The following IMMP2L variants were observed in gnomAD, a reference collection of about 807,000 sequenced individuals.
IMMP2L encodes the protein mitochondrial inner membrane protease subunit 2.
Under a neutral mutation model 19.3 loss-of-function variants are expected in IMMP2L, and 18 were observed. That is an observed-to-expected ratio of 0.93 (90% CI 0.64 to 1.38). IMMP2L has a LOEUF of 1.38. IMMP2L is among the 40% of genes most tolerant of loss of function. The pLI, the probability that IMMP2L is intolerant of heterozygous loss-of-function variation, is 0.00. For synonymous variants in IMMP2L, 76 were observed against 73.0 expected (o/e 1.04, Z -0.21); for missense variants, 233 against 218.2 (o/e 1.07, Z -0.43).
intron 3 of IMMP2L, among the ~76,000 whole-genome samples, chr7:111,275,445 C>T (rs953201763): frequency 6.6e-6 from 1 of 152,256 alleles, no homozygotes; most frequent in East Asian, 1.9e-4. Flanking sequence ...CTACTTCCTA[C>T]AAGTAATTCA....
chr7:110,741,538 T>C lies in IMMP2L; in HGVS notation c.409-77817A>G, dbSNP rs1796989897. The stretch of plus-strand genomic sequence containing the variant: ...GACACACAGCAAGAAGGCACCATCT[T>C]TGGAGCAGAAAGCAAGCCCTCATCA... On this transcript the variant is annotated intron_variant, in intron 5 of 5. Coordinates refer to ENST00000405709, the MANE Select transcript of IMMP2L (RefSeq NM_032549.4). 2.0e-5 allele frequency among the ~76,000 whole-genome samples: 3 copies of C among 152,160 alleles called. No homozygotes were observed. In the South Asian group the frequency reaches 6.2e-4, roughly 32 times the overall value.
At chr7:110,911,711 G>T (rs1435438882) in intron 4 of IMMP2L, among the ~76,000 whole-genome samples, 1 of 152,030 alleles carries the variant, frequency 6.6e-6, no homozygotes, top group Non-Finnish European at 1.5e-5. Flanking sequence ...CCTATTCTCT[G>T]CTTCTGGCAA....
chr7:110,850,801 G>C (rs1020181309), intron 5 of IMMP2L, among the ~76,000 whole-genome samples: 3 of 151,658 alleles, frequency 2.0e-5, no homozygotes, highest in African/African-American at 7.3e-5. Flanking sequence ...GCTGACAAAA[G>C]TAATATAAAA....
At chr7:110,935,582 T>G (rs988495459) in intron 4 of IMMP2L, among the ~76,000 whole-genome samples, 1 of 152,174 alleles carries the variant, frequency 6.6e-6, no homozygotes, top group Non-Finnish European at 1.5e-5. Flanking sequence ...GATAATATCC[T>G]GAAGAGTGTT....
Position 111,330,986 on chromosome 7 carries a change from ATATTAG to A in IMMP2L, c.239+156246_239+156251del, listed in dbSNP as rs536496615. ...CCTTGTATACTGTTGGTGCGAATAT[ATATTAG>A]TATATCGATTATGAAAAACTGTATG... On this transcript the variant is annotated intron_variant, in intron 3 of 5. Transcript: ENST00000405709. Among the ~76,000 whole-genome samples, 8 of 152,036 alleles carry A rather than the reference ATATTAG, an allele frequency of 5.3e-5. No homozygotes were observed. The East Asian group carries it at 1.5e-3, about 29-fold the overall frequency.
At chr7:110,952,746 A>G (rs1042331615) in intron 4 of IMMP2L, among the ~76,000 whole-genome samples, 10 of 152,106 alleles carry the variant, frequency 6.6e-5, no homozygotes, top group Non-Finnish European at 1.5e-4. Context: ...TGTGTTTCCC[A>G]TCTTAGGTAC....
At chr7:110,706,348 T>A (rs1482934137) in intron 5 of IMMP2L, among the ~76,000 whole-genome samples, 1 of 152,114 alleles carries the variant, frequency 6.6e-6, no homozygotes, top group Admixed American at 6.5e-5. Flanking sequence ...CAGCAATCCT[T>A]CCACCTTGGT....
intron 5 of IMMP2L, among the ~76,000 whole-genome samples, chr7:110,818,251 T>A (rs1802713138): frequency 6.6e-6 from 1 of 151,812 alleles, no homozygotes; most frequent in Non-Finnish European, 1.5e-5. Flanking sequence ...TACAATGAAC[T>A]CAAACAAATT....
intron 5 of IMMP2L, among the ~76,000 whole-genome samples, chr7:110,697,114 C>A (rs1212651411): frequency 6.6e-6 from 1 of 152,136 alleles, no homozygotes; most frequent in Admixed American, 6.5e-5. Context: ...GCCAAATTAA[C>A]CTCAATTCCT....
intron 5 of IMMP2L, among the ~76,000 whole-genome samples, chr7:110,865,972 A>G (rs555932939): frequency 3.9e-5 from 6 of 152,002 alleles, no homozygotes; most frequent in Non-Finnish European, 8.8e-5. Context: ...ATTGGGAGCT[A>G]TAGGAGTAAA....
chr7:111,079,705 T>C (rs1302273605), intron 3 of IMMP2L, among the ~76,000 whole-genome samples: 1 of 152,216 alleles, frequency 6.6e-6, no homozygotes, highest in Non-Finnish European at 1.5e-5. Context: ...AACTAAAGTC[T>C]CCATTTGTCT....
chr7:111,151,835 C>G (rs1804106605), intron 3 of IMMP2L, among the ~76,000 whole-genome samples: 1 of 152,104 alleles, frequency 6.6e-6, no homozygotes, highest in African/African-American at 2.4e-5. Flanking sequence ...ACTCAGGAGG[C>G]TGAGGCACAA....
chr7:110,950,189 G>GT (rs1348122588), intron 4 of IMMP2L, among the ~76,000 whole-genome samples: 1 of 151,964 alleles, frequency 6.6e-6, no homozygotes, highest in Non-Finnish European at 1.5e-5. Flanking sequence ...GGATATCCAG[G>GT]TTTTTTCAAC....
intron 3 of IMMP2L, among the ~76,000 whole-genome samples, chr7:111,320,378 C>G (rs1824558813): frequency 6.6e-6 from 1 of 152,130 alleles, no homozygotes; most frequent in Non-Finnish European, 1.5e-5. Context: ...ATTTCTCTCT[C>G]ACTTCCTCAG....
At chr7:111,391,731 A>G (rs1206160028) in intron 3 of IMMP2L, 2 of 528,836 alleles carry the variant, frequency 3.8e-6, no homozygotes, top group Non-Finnish European at 3.4e-6. Context: ...AAAAAGCTTC[A>G]GCCTTATACA....
chr7:111,240,538 CGAA>C (rs1325869183), intron 3 of IMMP2L, among the ~76,000 whole-genome samples: 1 of 151,828 alleles, frequency 6.6e-6, no homozygotes, highest in Non-Finnish European at 1.5e-5. Flanking sequence ...GCAAATAAAA[CGAA>C]GAAGAACCAG....
intron 5 of IMMP2L, among the ~76,000 whole-genome samples, chr7:110,714,666 G>T (rs4727744): frequency 4.6e-5 from 7 of 152,070 alleles, no homozygotes; most frequent in African/African-American, 4.8e-5. Context: ...GTGCGATCTC[G>T]GCTCACTGTA....
intron 3 of IMMP2L, among the ~76,000 whole-genome samples, chr7:111,466,135 T>C (rs1384268680): frequency 6.6e-6 from 1 of 152,002 alleles, no homozygotes; most frequent in Non-Finnish European, 1.5e-5. Context: ...TGAGAACACA[T>C]GGACACAGGA....
At chr7:111,104,289 GT>G (rs1563246382) in intron 3 of IMMP2L, among the ~76,000 whole-genome samples, 2 of 151,674 alleles carry the variant, frequency 1.3e-5, no homozygotes, top group Non-Finnish European at 3.0e-5. Context: ...CTCCCTCTGT[GT>G]CCCAATTTCC....
Sources: gnomAD v4.1 joint callset for allele counts (sites outside exome capture counted in the v4.1 genomes callset) on GRCh38, gnomAD v4.1.1 for gene constraint, MANE v1.5 for transcripts, NCBI Gene and HGNC (gene_info 2026-07-23, HGNC 2026-07-21) for gene names.